The following SPIDR variants were observed in gnomAD, a reference collection of about 807,000 sequenced individuals.
SPIDR encodes the protein DNA repair-scaffolding protein.
Under a neutral mutation model 104.6 loss-of-function variants are expected in SPIDR, and 93 were observed. The observed-to-expected ratio is 0.89, with a 90% CI of 0.75 to 1.06. The LOEUF is 1.06. SPIDR is among the 50% of genes least tolerant of loss of function. SPIDR has a pLI of 0.00. For missense variants in SPIDR, 1,154 were observed against 1,111.2 expected (o/e 1.04, Z -0.55); for synonymous variants, 431 against 416.9 (o/e 1.03, Z -0.41).
chr8:47,596,479 T>G (rs1198419261), intron 9 of SPIDR, among the ~76,000 whole-genome samples: 1 of 152,090 alleles, frequency 6.6e-6, no homozygotes, highest in Non-Finnish European at 1.5e-5. Flanking sequence ...AAAAGGATAG[T>G]AAAAATACAG....
At chr8:47,359,460 G>A (rs2055285202) in intron 5 of SPIDR, among the ~76,000 whole-genome samples, 1 of 152,032 alleles carries the variant, frequency 6.6e-6, no homozygotes, top group South Asian at 2.1e-4. Context: ...TTTCTTCTGG[G>A]CTGTCCTCAA....
intron 5 of SPIDR, among the ~76,000 whole-genome samples, chr8:47,378,223 A>T (rs2154298817): frequency 6.6e-6 from 1 of 152,264 alleles, no homozygotes; most frequent in South Asian, 2.1e-4. Context: ...TTCAGAGATG[A>T]CTTATGTCTA....
At chr8:47,490,484 T>G (rs1338339947) in intron 8 of SPIDR, among the ~76,000 whole-genome samples, 11 of 152,160 alleles carry the variant, frequency 7.2e-5, no homozygotes, top group African/African-American at 2.4e-4. Flanking sequence ...GACCCAGCCA[T>G]CCCATTACTG....
At chr8:47,640,451 A>C (rs1302649823) in intron 10 of SPIDR, among the ~76,000 whole-genome samples, 1 of 152,242 alleles carries the variant, frequency 6.6e-6, no homozygotes, top group Non-Finnish European at 1.5e-5. Context: ...AAAGTCCCAC[A>C]GTCCTAAAAT....
At chr8:47,267,050 G>T (rs1204259607) in intron 1 of SPIDR, among the ~76,000 whole-genome samples, 1 of 152,156 alleles carries the variant, frequency 6.6e-6, no homozygotes, top group African/African-American at 2.4e-5. Context: ...GTTGTTGCAT[G>T]TATCAGTACT....
At chr8:47,312,102 C>T (rs1167696631) in intron 5 of SPIDR, among the ~76,000 whole-genome samples, 2 of 152,178 alleles carry the variant, frequency 1.3e-5, no homozygotes, top group African/African-American at 4.8e-5. Context: ...GCCACATTTT[C>T]TTAATCCAGT....
intron 8 of SPIDR, among the ~76,000 whole-genome samples, chr8:47,565,128 C>T (rs2057618124): frequency 6.6e-6 from 1 of 152,132 alleles, no homozygotes; most frequent in South Asian, 2.1e-4. Context: ...TGCCTGTAAT[C>T]CCAGCTGCTT....
At chr8:47,511,656 T>G (rs1471378063) in intron 8 of SPIDR, 1 of 814,974 alleles carries the variant, frequency 1.2e-6, no homozygotes, top group African/African-American at 1.7e-5. Flanking sequence ...AAGCAGACTC[T>G]TCCTCTGGTG....
chr8:47,701,587 T>C (rs2080190386), intron 12 of SPIDR, 134 bp from the exon 13 acceptor site: 1 of 802,982 alleles, frequency 1.2e-6, no homozygotes, highest in African/African-American at 1.7e-5. Context: ...AATCCATTCC[T>C]TGTATAGCAT....
At chr8:47,420,845 A>G (rs139714609) in intron 7 of SPIDR, among the ~76,000 whole-genome samples, 1 of 152,324 alleles carries the variant, frequency 6.6e-6, no homozygotes, top group East Asian at 1.9e-4. Context: ...GTTTGAAACA[A>G]TTTTATTTCT....
At chr8:47,261,781 A>G (rs1421518601) in intron 1 of SPIDR, among the ~76,000 whole-genome samples, 2 of 152,192 alleles carry the variant, frequency 1.3e-5, no homozygotes, top group Admixed American at 6.5e-5. Flanking sequence ...CTCAAATACC[A>G]TTGATTATCA....
intron 8 of SPIDR, among the ~76,000 whole-genome samples, chr8:47,452,677 A>T (rs571226971): frequency 2.0e-5 from 3 of 152,116 alleles, no homozygotes; most frequent in Admixed American, 6.5e-5. Flanking sequence ...CATGCTAAAA[A>T]CTCTCAATAA....
intron 14 of SPIDR, among the ~76,000 whole-genome samples, chr8:47,710,245 GTTGAT>G (rs1244543171): frequency 1.3e-5 from 2 of 152,018 alleles, no homozygotes; most frequent in African/African-American, 2.4e-5. Flanking sequence ...TCTTTTTACA[GTTGAT>G]TTGATTGTTA....
At chr8:47,579,564 T>C (rs2059496252) in intron 8 of SPIDR, among the ~76,000 whole-genome samples, 1 of 152,216 alleles carries the variant, frequency 6.6e-6, no homozygotes, top group Non-Finnish European at 1.5e-5. Context: ...GTGGCTACCT[T>C]ACTGGCCAAC....
At chr8:47,517,769 T>C (rs539603702) in intron 8 of SPIDR, among the ~76,000 whole-genome samples, 4 of 152,250 alleles carry the variant, frequency 2.6e-5, no homozygotes, top group Non-Finnish European at 5.9e-5. Context: ...GTGGTTTCAT[T>C]ATTCGTATTT....
intron 10 of SPIDR, among the ~76,000 whole-genome samples, chr8:47,661,549 T>G (rs1588949652): frequency 2.6e-5 from 4 of 152,340 alleles, no homozygotes; most frequent in Admixed American, 2.6e-4. Flanking sequence ...TCAGATAACT[T>G]TAAGATGTCA....
chr8:47,667,288 T>C (rs1347827914), intron 10 of SPIDR, among the ~76,000 whole-genome samples: 8 of 150,834 alleles, frequency 5.3e-5, no homozygotes, highest in Non-Finnish European at 1.2e-4. Flanking sequence ...CTCAAATAAA[T>C]AAATAAAAAT....
intron 8 of SPIDR, among the ~76,000 whole-genome samples, chr8:47,522,588 G>C (rs2084341303): frequency 6.6e-6 from 1 of 152,144 alleles, no homozygotes; most frequent in African/African-American, 2.4e-5. Context: ...CTCCTGCCAA[G>C]GTTGGTTAGG....
intron 10 of SPIDR, among the ~76,000 whole-genome samples, chr8:47,662,519 C>T (rs1342740886): frequency 6.6e-6 from 1 of 152,194 alleles, no homozygotes; most frequent in Non-Finnish European, 1.5e-5. Context: ...GCAGTGGACT[C>T]CCACTGGGTC....
Sources: allele counts gnomAD v4.1 joint callset (sites outside exome capture counted in the v4.1 genomes callset), GRCh38; gene constraint gnomAD v4.1.1; transcripts MANE v1.5; gene names NCBI Gene and HGNC (gene_info 2026-07-23, HGNC 2026-07-21).